Variants in CLEC16A observed in about 807,000 individuals in gnomAD.
CLEC16A encodes the protein protein CLEC16A.
In CLEC16A, 51 loss-of-function variants were observed where a neutral mutation model predicts 109.5. The ratio of observed to expected loss-of-function variants is 0.47; its 90% CI spans 0.37 to 0.59. The LOEUF is 0.59. Ranked by LOEUF, CLEC16A falls within the 20% of genes least tolerant of loss-of-function variation. CLEC16A has a pLI of 0.00. For missense variants in CLEC16A, 1,339 were observed against 1,394.0 expected (o/e 0.96, Z 0.63); for synonymous variants, 673 against 564.2 (o/e 1.19, Z -2.73).
chr16:11,040,116 T>G, intron 14 of CLEC16A: 1 of 482,796 alleles, frequency 2.1e-6, no homozygotes, highest in Non-Finnish European at 3.6e-6. Flanking sequence ...ACCATCTTTC[T>G]TCTTCCACAC....
intron 19 of CLEC16A, among the ~76,000 whole-genome samples, chr16:11,095,618 C>T (rs1438823025): frequency 6.6e-6 from 1 of 152,064 alleles, no homozygotes; most frequent in Non-Finnish European, 1.5e-5. Flanking sequence ...TCGAAACCAG[C>T]CTGGCCAACA....
rs139830685 is a variant in CLEC16A, at chr16:11,070,013, G to A, written c.2116+8991G>A. Among the ~76,000 whole-genome samples the A allele has an allele frequency of 9.7e-3, 1,475 of 152,088 alleles. 17 individuals carry two copies. In the Middle Eastern group the frequency reaches 0.13, roughly 14 times the overall value. The stretch of plus-strand genomic sequence containing the variant: ...TCCCCATGGATATGGAGGGACGACT[G>A]TATTGTCAGGATGTTACCTTCTCTC... On this transcript the variant is annotated intron_variant, in intron 19 of 23. Transcript: ENST00000409790.
At chr16:11,170,143 C>G (rs1049191466) in intron 23 of CLEC16A, among the ~76,000 whole-genome samples, 3 of 152,202 alleles carry the variant, frequency 2.0e-5, no homozygotes, top group African/African-American at 4.8e-5. Context: ...AGACCCGGGC[C>G]CCGATCTGGA....
At chr16:10,987,529 A>G (rs1310270592) in intron 10 of CLEC16A, among the ~76,000 whole-genome samples, 1 of 152,210 alleles carries the variant, frequency 6.6e-6, no homozygotes, top group Non-Finnish European at 1.5e-5. Context: ...TGTGGTGGAC[A>G]CCTGAACTGA....
intron 13 of CLEC16A, among the ~76,000 whole-genome samples, chr16:11,026,859 A>G (rs2046434182): frequency 6.6e-6 from 1 of 152,102 alleles, no homozygotes; most frequent in African/African-American, 2.4e-5. Flanking sequence ...TTTGGCAGGA[A>G]TGGGGGTTAG....
Position 10,947,346 on chromosome 16 carries a change from G to A in CLEC16A, c.80+2549G>A, listed in dbSNP as rs377612503. On this transcript the variant is annotated intron_variant, in intron 1 of 23. Transcript: ENST00000409790. ...ACAGAACAGCTCGTTCCCTGAGGGA[G>A]TTTGCAGGCTGGTGGGGGAGACAGC... Among the ~76,000 whole-genome samples the A allele has an allele frequency of 5.7e-4, 87 of 152,348 alleles. No individual in the cohort carries two copies. The South Asian group carries it at 0.015, about 25-fold the overall frequency.
intron 3 of CLEC16A, among the ~76,000 whole-genome samples, chr16:10,965,488 T>C (rs933942246): frequency 4.6e-5 from 7 of 152,240 alleles, no homozygotes. Flanking sequence ...CTTCCCAGTG[T>C]ATCCTAGATC....
chr16:10,946,570 A>G (rs1305132396), intron 1 of CLEC16A, among the ~76,000 whole-genome samples: 2 of 151,942 alleles, frequency 1.3e-5, no homozygotes, highest in Non-Finnish European at 2.9e-5. Context: ...GGATTTCAGG[A>G]ATTTATCGAG....
chr16:11,002,302 C>A (rs1292360479), intron 10 of CLEC16A, among the ~76,000 whole-genome samples: 5 of 152,208 alleles, frequency 3.3e-5, no homozygotes, highest in Non-Finnish European at 7.3e-5. Flanking sequence ...ATCAGAAGTT[C>A]TCCTTACACA....
chr16:11,105,035 A>G (rs996643571), intron 19 of CLEC16A, among the ~76,000 whole-genome samples: 1 of 152,166 alleles, frequency 6.6e-6, no homozygotes, highest in Non-Finnish European at 1.5e-5. Flanking sequence ...AAGTATTCAG[A>G]TCTTTTCTTG....
At chr16:11,108,870 G>C (rs2051382046) in intron 19 of CLEC16A, among the ~76,000 whole-genome samples, 1 of 152,078 alleles carries the variant, frequency 6.6e-6, no homozygotes, top group Non-Finnish European at 1.5e-5. Context: ...CAGCACTTTG[G>C]GAGGCCGAGG....
intron 19 of CLEC16A, among the ~76,000 whole-genome samples, chr16:11,085,619 G>A (rs1229813496): frequency 6.6e-6 from 1 of 152,256 alleles, no homozygotes; most frequent in East Asian, 1.9e-4. Flanking sequence ...TTATTGTCCT[G>A]TGGTAGCCTT....
At position 11,025,844 on chromosome 16, in the gene CLEC16A, C is replaced by T. The variant is rs532326566; in HGVS notation, c.1537+923C>T. ...AAAAGTTTCCCACCTTTGACCCCAGCTCTCCTCTTCAAAGGCAGTTCCTGC... is the reference window on the plus strand; with the variant it reads ...AAAAGTTTCCCACCTTTGACCCCAGTTCTCCTCTTCAAAGGCAGTTCCTGC... On this transcript the variant is annotated intron_variant, in intron 13 of 23. Transcript: ENST00000409790. Among the ~76,000 whole-genome samples, 22 of 151,958 alleles carry T rather than the reference C, an allele frequency of 1.4e-4. No homozygotes were observed. The South Asian group carries it at 3.7e-3, about 26-fold the overall frequency.
chr16:10,978,248 T>C (rs1282689367), intron 8 of CLEC16A, among the ~76,000 whole-genome samples: 1 of 152,152 alleles, frequency 6.6e-6, no homozygotes, highest in Non-Finnish European at 1.5e-5. Flanking sequence ...CAGGTGATTC[T>C]GATTCTGTGC....
intron 23 of CLEC16A, among the ~76,000 whole-genome samples, chr16:11,173,374 G>A (rs1046580910): frequency 5.3e-5 from 8 of 152,078 alleles, no homozygotes; most frequent in Admixed American, 2.6e-4. Flanking sequence ...CTTCATCTCC[G>A]AGAGTGTGGT....
intron 3 of CLEC16A, among the ~76,000 whole-genome samples, chr16:10,968,109 C>T (rs889325166): frequency 6.6e-6 from 1 of 152,206 alleles, no homozygotes; most frequent in Non-Finnish European, 1.5e-5. Flanking sequence ...TGAGCTGGTG[C>T]AGCACTCACA....
rs906341584 is a variant in CLEC16A, at chr16:11,181,765, C to G, written c.*3075C>G. 1.3e-4 allele frequency: 20 copies of G among 152,596 alleles called. No individual in the cohort carries two copies. The highest frequency in any genetic ancestry group is 4.8e-4 in the African/African-American group (20 of 41,464). The allele number at this position is 152,596 out of a possible 1,614,324, so 9.5% of individuals were successfully genotyped here. A position where few individuals can be genotyped will look rare whatever the true frequency, so the allele number is the denominator to read the frequency against. On this transcript the variant is annotated 3_prime_UTR_variant, in exon 24 of 24. Coordinates refer to ENST00000409790, the MANE Select transcript of CLEC16A (RefSeq NM_015226.3). ...CAGCCTCCCACAACCCAGACACTTG[C>G]GTTCACAAGCAACCTAAGGGGCAGG... is the stretch of plus-strand genomic sequence containing the variant.
At chr16:11,104,425 C>A (rs143353602) in intron 19 of CLEC16A, among the ~76,000 whole-genome samples, 2 of 152,292 alleles carry the variant, frequency 1.3e-5, no homozygotes, top group African/African-American at 4.8e-5. Flanking sequence ...CCACACCCAG[C>A]ATATCCCAGA....
At chr16:11,013,361 G>A (rs1342107494) in intron 11 of CLEC16A, among the ~76,000 whole-genome samples, 1 of 152,174 alleles carries the variant, frequency 6.6e-6, no homozygotes, top group Non-Finnish European at 1.5e-5. Flanking sequence ...AGGCATGGTG[G>A]CTCACACCTG....
Sources: gnomAD v4.1 joint callset for allele counts (sites outside exome capture counted in the v4.1 genomes callset) on GRCh38, gnomAD v4.1.1 for gene constraint, MANE v1.5 for transcripts, NCBI Gene and HGNC (gene_info 2026-07-23, HGNC 2026-07-21) for gene names.